The following KCNIP1 variants were observed in gnomAD, a reference collection of about 807,000 sequenced individuals.
The protein encoded by KCNIP1 is potassium voltage-gated channel interacting protein 1.
A neutral mutation model predicts 33.0 loss-of-function variants in KCNIP1; 18 were observed. The ratio of observed to expected loss-of-function variants is 0.55; its 90% CI spans 0.38 to 0.81. The LOEUF (loss-of-function observed/expected upper bound fraction) is 0.81, where lower values mean the gene tolerates loss of function less well. Among genes scored for constraint, KCNIP1 ranks in the 30% least tolerant of loss-of-function variants. KCNIP1 has a pLI of 0.00. For synonymous variants in KCNIP1, 93 were observed against 98.3 expected (o/e 0.95, Z 0.32); for missense variants, 238 against 271.6 (o/e 0.88, Z 0.87).
intron 1 of KCNIP1, among the ~76,000 whole-genome samples, chr5:170,418,054 C>T (rs959066931): frequency 6.4e-4 from 97 of 152,340 alleles, no homozygotes; most frequent in African/African-American, 2.2e-3. Context: ...TGAAAATCAC[C>T]TTTCTCCACC....
intron 1 of KCNIP1, among the ~76,000 whole-genome samples, chr5:170,554,353 G>C (rs191400590): frequency 8.5e-5 from 13 of 152,124 alleles, no homozygotes; most frequent in Admixed American, 4.6e-4. Flanking sequence ...ATCCGGATTC[G>C]AGACTTGCTC....
chr5:170,430,140 G>A (rs935382019), intron 1 of KCNIP1, among the ~76,000 whole-genome samples: 2 of 152,210 alleles, frequency 1.3e-5, no homozygotes, highest in African/African-American at 2.4e-5. Flanking sequence ...GGAAAATCAG[G>A]TGACAGGAAT....
chr5:170,405,993 G>A (rs934138175), intron 1 of KCNIP1, among the ~76,000 whole-genome samples: 1 of 152,104 alleles, frequency 6.6e-6, no homozygotes, highest in African/African-American at 2.4e-5. Flanking sequence ...CCGTTTCTCC[G>A]GGCTTGACAT....
intron 1 of KCNIP1, among the ~76,000 whole-genome samples, chr5:170,364,465 G>A (rs752976792): frequency 1.5e-4 from 23 of 152,206 alleles, no homozygotes; most frequent in African/African-American, 5.5e-4. Context: ...AATCATATAC[G>A]ATTATAATCC....
intron 1 of KCNIP1, among the ~76,000 whole-genome samples, chr5:170,572,388 A>C (rs1241360221): frequency 6.6e-6 from 1 of 152,168 alleles, no homozygotes; most frequent in Non-Finnish European, 1.5e-5. Flanking sequence ...GACCTCCAAT[A>C]CCCGGAATGC....
At chr5:170,589,061 C>CGAT (rs989523451) in intron 1 of KCNIP1, among the ~76,000 whole-genome samples, 9 of 146,772 alleles carry the variant, frequency 6.1e-5, no homozygotes, top group African/African-American at 2.0e-4. Flanking sequence ...TGCAGTGGCG[C>CGAT]GATCTCGGCT....
At chr5:170,539,498 A>G (rs1756117283) in intron 1 of KCNIP1, among the ~76,000 whole-genome samples, 2 of 152,162 alleles carry the variant, frequency 1.3e-5, no homozygotes, top group African/African-American at 2.4e-5. Flanking sequence ...GGATCTCAGC[A>G]AATGTGCCTG....
At chr5:170,501,775 T>C (rs1042398817), upstream of KCNIP1, among the ~76,000 whole-genome samples, 1 of 152,210 alleles carries the variant, frequency 6.6e-6, no homozygotes, top group Non-Finnish European at 1.5e-5. Flanking sequence ...GGCTTAACTT[T>C]CTCCTCAGCA....
At chr5:170,568,648 T>TAAAA (rs33992187) in intron 1 of KCNIP1, among the ~76,000 whole-genome samples, 680 of 43,710 alleles carry the variant, frequency 0.016, 82 homozygotes, top group Admixed American at 0.027. Flanking sequence ...CCGTTTCTAC[T>TAAAA]AAAAAAAAAA....
rs1044381314 is a variant in KCNIP1, at chr5:170,385,206, C to T, written c.88+31242C>T. 3 of 1,234,714 alleles carry T rather than the reference C, an allele frequency of 2.4e-6. No homozygotes were observed. The African/African-American group carries it at 4.5e-5, about 18-fold the overall frequency. The allele number at this position is 1,234,714 out of a possible 1,614,324, so 76.5% of individuals were successfully genotyped here. The stretch of plus-strand genomic sequence containing the variant: ...AATGAGCATCGTCTTGACCCTGCTG[C>T]CTTGAATGAGGGTCAAGGAGAGGGG... On this transcript the variant is annotated intron_variant, in intron 1 of 7. Transcript: ENST00000377360.
chr5:170,633,731 GA>G (rs1241250944), intron 1 of KCNIP1, among the ~76,000 whole-genome samples: 6 of 16,480 alleles, frequency 3.6e-4, no homozygotes, highest in Non-Finnish European at 6.9e-4. Context: ...CGGAGGGGGG[GA>G]CGGAGGGGGG....
intron 1 of KCNIP1, among the ~76,000 whole-genome samples, chr5:170,423,360 C>G (rs1324655224): frequency 6.6e-6 from 1 of 151,746 alleles, no homozygotes; most frequent in African/African-American, 2.4e-5. Flanking sequence ...TACAAGATAT[C>G]CATGCACCAC....
In KCNIP1 at chr5:170,525,626, T is replaced by C. The variant is rs148290186; in HGVS notation, c.61+20993T>C. 9.1e-3 allele frequency among the ~76,000 whole-genome samples: 1,384 copies of C among 152,336 alleles called. 23 individuals are homozygous for C. Among genetic ancestry groups the C allele is most frequent in the African/African-American group, 0.032 (1,321 of 41,568 alleles). On this transcript the variant is annotated intron_variant, in intron 1 of 7. Transcript: ENST00000328939. ...GGAGCCTGTGACCTTTACCGCCGTG[T>C]GATTCTCTGACTCAGACTGCAGTGT...
rs185322882 is a variant in KCNIP1 at position 170,685,521 on chromosome 5, C to T, written c.62-33237C>T. Among the ~76,000 whole-genome samples, 511 of 151,846 alleles carry T rather than the reference C, an allele frequency of 3.4e-3. 3 individuals are homozygous for T. The highest frequency in any genetic ancestry group is 0.012 in the African/African-American group (483 of 41,374). ...CTTATTTGTTTGAGACCGAGTCTCA[C>T]TCTGTCGCCCAGGCTGAAGTACAGT... On this transcript the variant is annotated intron_variant, in intron 1 of 7. Coordinates refer to ENST00000328939, the MANE Select transcript of KCNIP1 (RefSeq NM_014592.4).
chr5:170,514,975 T>A (rs1755070069), intron 1 of KCNIP1, among the ~76,000 whole-genome samples: 1 of 152,190 alleles, frequency 6.6e-6, no homozygotes, highest in South Asian at 2.1e-4. Context: ...GTAGTGTGAT[T>A]ATTCCCATGT....
At chr5:170,732,591 T>C (rs1764243745) in intron 5 of KCNIP1, among the ~76,000 whole-genome samples, 1 of 152,114 alleles carries the variant, frequency 6.6e-6, no homozygotes, top group African/African-American at 2.4e-5. Flanking sequence ...CTGAGGGATT[T>C]AGGAATTGTC....
intron 1 of KCNIP1, among the ~76,000 whole-genome samples, chr5:170,633,738 G>GGGGGGGC (rs1423653083): frequency 8.1e-5 from 4 of 49,114 alleles, no homozygotes; most frequent in Admixed American, 1.8e-4. Flanking sequence ...GGGGACGGAG[G>GGGGGGGC]GGGGGGCGGG....
intron 3 of KCNIP1, among the ~76,000 whole-genome samples, chr5:170,721,129 A>G (rs532281656): frequency 6.6e-6 from 1 of 152,304 alleles, no homozygotes; most frequent in South Asian, 2.1e-4. Flanking sequence ...ACAAAATGCA[A>G]ATCCAAGTAT....
chr5:170,360,213 C>T (rs72835789), intron 1 of KCNIP1, among the ~76,000 whole-genome samples: 12,927 of 152,218 alleles, frequency 0.085, 714 homozygotes, highest in East Asian at 0.19. Context: ...TCAGCAGACC[C>T]AGGTCCCAAA....
Sources: gnomAD v4.1 joint callset for allele counts (sites outside exome capture counted in the v4.1 genomes callset) on GRCh38, gnomAD v4.1.1 for gene constraint, MANE v1.5 for transcripts, NCBI Gene and HGNC (gene_info 2026-07-23, HGNC 2026-07-21) for gene names.